C12orf50: variants seen among roughly 807,000 people sequenced by gnomAD.
C12orf50 encodes zinc finger CCCH-type containing 11D.
A neutral mutation model predicts 61.6 loss-of-function variants in C12orf50; 35 were observed. That is an observed-to-expected ratio of 0.57 (90% confidence interval 0.43 to 0.75). The LOEUF (loss-of-function observed/expected upper bound fraction) is 0.75, where lower values mean the gene tolerates loss of function less well. Ranked by LOEUF, C12orf50 falls within the 30% of genes least tolerant of loss-of-function variation. The pLI, the probability that C12orf50 is intolerant of heterozygous loss-of-function variation, is 0.00. For synonymous variants in C12orf50, 178 were observed against 161.5 expected (o/e 1.10, Z -0.77); for missense variants, 475 against 488.5 (o/e 0.97, Z 0.26).
chr12:87,984,964 C>T (rs2030729236), intron 11 of C12orf50: 3 of 152,066 alleles, frequency 2.0e-5, no homozygotes, highest in Middle Eastern at 6.8e-3. Flanking sequence ...TACAAATACA[C>T]ATCCATATAT....
At chr12:88,006,865 C>T (rs1321724562) in intron 3 of C12orf50, among the ~76,000 whole-genome samples, 2 of 152,156 alleles carry the variant, frequency 1.3e-5, no homozygotes, top group African/African-American at 2.4e-5. Context: ...GCTTCTGTCA[C>T]ACTAAACAGA....
intron 7 of C12orf50, among the ~76,000 whole-genome samples, chr12:87,994,094 G>A (rs1417705058): frequency 6.6e-6 from 1 of 151,980 alleles, no homozygotes; most frequent in Non-Finnish European, 1.5e-5. Flanking sequence ...CAGCTACTTA[G>A]GAGGCTGAGG....
chr12:88,019,739 A>G (rs2032446260), intron 3 of C12orf50, among the ~76,000 whole-genome samples: 1 of 152,156 alleles, frequency 6.6e-6, no homozygotes, highest in Non-Finnish European at 1.5e-5. Flanking sequence ...AAGAAAAACA[A>G]AGAAACCAAG....
intron 3 of C12orf50, among the ~76,000 whole-genome samples, chr12:88,025,715 G>C (rs1044350163): frequency 5.3e-5 from 8 of 152,132 alleles, no homozygotes; most frequent in African/African-American, 1.9e-4. Flanking sequence ...CTCCAGCCTG[G>C]GTGACAGAGC....
At chr12:88,003,257 T>C (rs1200177338) in intron 3 of C12orf50, among the ~76,000 whole-genome samples, 2 of 151,936 alleles carry the variant, frequency 1.3e-5, no homozygotes, top group African/African-American at 4.8e-5. Flanking sequence ...TGTGTGGCTA[T>C]TATTAAATAT....
intron 4 of C12orf50, 56 bp from the exon 5 acceptor site, chr12:87,996,702 T>C: frequency 7.4e-7 from 1 of 1,343,812 alleles, no homozygotes; most frequent in Non-Finnish European, 1.0e-6. Context: ...AATCTGAAAA[T>C]TTATAAACCA....
intron 7 of C12orf50, 42 bp downstream of exon 7, chr12:87,994,591 G>T: frequency 7.8e-7 from 1 of 1,285,878 alleles, no homozygotes; most frequent in Non-Finnish European, 1.1e-6. Flanking sequence ...CATTTATTAT[G>T]TGGTGATATA....
At chr12:88,018,910 A>G (rs1183659405) in intron 3 of C12orf50, among the ~76,000 whole-genome samples, 1 of 152,164 alleles carries the variant, frequency 6.6e-6, no homozygotes, top group Non-Finnish European at 1.5e-5. Context: ...GAAGTAACTA[A>G]CTTGTTTTTG....
chr12:87,986,028 A>G lies in C12orf50; in HGVS notation c.948T>C (p.Asn316=). The change falls in exon 11 of 13, where the codon AAT becomes AAC. Residue 316 remains asparagine, a synonymous_variant. Coordinates refer to ENST00000298699, the MANE Select transcript of C12orf50 (RefSeq NM_152589.3). ...TATTATTGCGGTGATAACTCATTTT[A>G]TTTTGGGGTCTTGGGGCCTGTACTG... ...QRAVQAPRPQ[N]KMSYHRNNKN... The G allele has an allele frequency of 6.2e-7, 1 of 1,613,740 alleles. No individual in the cohort carries two copies. The highest frequency in any genetic ancestry group is 8.5e-7 in the Non-Finnish European group (1 of 1,179,796).
intron 3 of C12orf50, among the ~76,000 whole-genome samples, chr12:88,002,831 T>A (rs2031706633): frequency 6.6e-6 from 1 of 151,702 alleles, no homozygotes; most frequent in African/African-American, 2.4e-5. Context: ...TAATTCTTCA[T>A]TTTTATAATA....
chr12:87,994,219 A>G (rs1208270236), intron 7 of C12orf50, among the ~76,000 whole-genome samples: 1 of 152,058 alleles, frequency 6.6e-6, no homozygotes, highest in East Asian at 1.9e-4. Flanking sequence ...ATAAATAAAT[A>G]AATAAATAAG....
intron 3 of C12orf50, among the ~76,000 whole-genome samples, chr12:88,000,273 C>T (rs192212401): frequency 1.5e-3 from 228 of 151,984 alleles, no homozygotes; most frequent in African/African-American, 5.1e-3. Flanking sequence ...CACCATTTGT[C>T]GAAAATACTA....
At chr12:87,998,229 T>TA in intron 3 of C12orf50, 39 bp from the exon 4 acceptor site, 1 of 1,527,128 alleles carries the variant, frequency 6.5e-7, no homozygotes, top group African/African-American at 1.4e-5. Flanking sequence ...GTTCAAGATA[T>TA]ATGTGATGAT....
chr12:87,990,589 G>A (rs947387562), intron 7 of C12orf50, among the ~76,000 whole-genome samples: 1 of 152,076 alleles, frequency 6.6e-6, no homozygotes, highest in Non-Finnish European at 1.5e-5. Flanking sequence ...AGCAATGGAA[G>A]GACACAAAGT....
chr12:88,009,403 T>G (rs2032013692), intron 3 of C12orf50, among the ~76,000 whole-genome samples: 1 of 152,092 alleles, frequency 6.6e-6, no homozygotes, highest in Non-Finnish European at 1.5e-5. Context: ...ATAAGACTGA[T>G]CATCTTGTTT....
At chr12:87,998,254 A>G in intron 3 of C12orf50, 64 bp from the exon 4 acceptor site, 1 of 1,290,790 alleles carries the variant, frequency 7.7e-7, no homozygotes, top group Non-Finnish European at 1.1e-6. Context: ...AGATGTAACA[A>G]TCAATCATTG....
chr12:88,020,342 T>A lies in C12orf50; in HGVS notation c.133+6146A>T, dbSNP rs192292596. Among the ~76,000 whole-genome samples, 17 of 152,182 alleles carry A rather than the reference T, an allele frequency of 1.1e-4. No homozygotes were observed. In the East Asian group the frequency reaches 3.3e-3, roughly 29 times the overall value. ...ACCCATAGGCTCAAAATAAAGAAAT[T>A]GTGAAAAATCTACCAAGCAAATGGA... is the stretch of plus-strand genomic sequence containing the variant. On this transcript the variant is annotated intron_variant, in intron 3 of 12. Coordinates refer to ENST00000298699, the MANE Select transcript of C12orf50 (RefSeq NM_152589.3).
chr12:88,005,912 G>GT (rs371924944), intron 3 of C12orf50, among the ~76,000 whole-genome samples: 2,394 of 90,946 alleles, frequency 0.026, 39 homozygotes, highest in Non-Finnish European at 0.032. Flanking sequence ...TGTTTTTTTG[G>GT]TTTTTTTTTT....
chr12:88,017,037 C>T (rs879836983), intron 3 of C12orf50, among the ~76,000 whole-genome samples: 10 of 152,048 alleles, frequency 6.6e-5, no homozygotes, highest in Non-Finnish European at 7.4e-5. Context: ...TTGCACAAAG[C>T]CCCTAAAGCA....
Sources: gnomAD v4.1 joint callset for allele counts (sites outside exome capture counted in the v4.1 genomes callset) on GRCh38, gnomAD v4.1.1 for gene constraint, MANE v1.5 for transcripts, NCBI Gene and HGNC (gene_info 2026-07-23, HGNC 2026-07-21) for gene names.